MYO18B: variants seen among roughly 807,000 people sequenced by gnomAD.
The protein encoded by MYO18B is unconventional myosin-XVIIIb.
A neutral mutation model predicts 273.0 loss-of-function variants in MYO18B; 204 were observed. The observed-to-expected ratio is 0.75, with a 90% CI of 0.67 to 0.84. MYO18B has a LOEUF of 0.84. Ranked by LOEUF, MYO18B falls within the 40% of genes least tolerant of loss-of-function variation. The pLI is 0.00. For missense variants in MYO18B, 3,212 were observed against 3,287.6 expected (o/e 0.98, Z 0.56); for synonymous variants, 1,330 against 1,305.7 (o/e 1.02, Z -0.40).
chr22:25,949,034 C>G (rs1401744157), intron 36 of MYO18B, among the ~76,000 whole-genome samples: 2 of 152,012 alleles, frequency 1.3e-5, no homozygotes, highest in Non-Finnish European at 2.9e-5. Flanking sequence ...CAATCTGGCA[C>G]AAGACAAGCT....
intron 29 of MYO18B, among the ~76,000 whole-genome samples, chr22:25,902,387 C>T (rs1222711447): frequency 6.6e-6 from 1 of 152,164 alleles, no homozygotes; most frequent in African/African-American, 2.4e-5. Context: ...CTAAAAATTG[C>T]TCTGTGGTTT....
chr22:26,024,947 T>G (rs1291346888), intron 42 of MYO18B, among the ~76,000 whole-genome samples: 1 of 152,194 alleles, frequency 6.6e-6, no homozygotes, highest in Non-Finnish European at 1.5e-5. Flanking sequence ...TGTTGTCTGA[T>G]TCATAGATTG....
chr22:25,770,011 T>G, intron 4 of MYO18B, 99 bp from the exon 5 acceptor site: 2 of 1,242,056 alleles, frequency 1.6e-6, no homozygotes, highest in Non-Finnish European at 2.4e-6. Context: ...GATTCTGGTT[T>G]AGATGGCTCC....
intron 42 of MYO18B, among the ~76,000 whole-genome samples, chr22:26,021,283 A>T (rs560978537): frequency 6.6e-6 from 1 of 152,312 alleles, no homozygotes; most frequent in Admixed American, 6.5e-5. Context: ...ACCCATACTT[A>T]CAGCATTTTC....
chr22:26,050,845 G>C, the MYO18B span, among the ~76,000 whole-genome samples: 1 of 152,332 alleles, frequency 6.6e-6, no homozygotes, highest in South Asian at 2.1e-4. Flanking sequence ...GAGGGACCCT[G>C]AGAAGGTCCA....
intron 12 of MYO18B, among the ~76,000 whole-genome samples, chr22:25,815,890 T>C (rs5752225): frequency 0.45 from 68,322 of 152,104 alleles, 15,534 homozygotes; most frequent in South Asian, 0.55. Context: ...TGGGAATGGT[T>C]TGTGTGCTGT....
intron 36 of MYO18B, among the ~76,000 whole-genome samples, chr22:25,948,678 T>C (rs895513164): frequency 2.0e-5 from 3 of 151,928 alleles, no homozygotes; most frequent in South Asian, 2.1e-4. Context: ...CTAAGTATAT[T>C]GTGGTGATCA....
chr22:26,036,964 C>G, the MYO18B span, among the ~76,000 whole-genome samples: 1 of 152,200 alleles, frequency 6.6e-6, no homozygotes, highest in Non-Finnish European at 1.5e-5. Context: ...GACAGAAGCA[C>G]AGACAAGTGG....
At chr22:25,925,387 A>G (rs190604906) in intron 34 of MYO18B, among the ~76,000 whole-genome samples, 125 of 152,338 alleles carry the variant, frequency 8.2e-4, no homozygotes, top group East Asian at 5.0e-3. Flanking sequence ...TTTGCAGATG[A>G]GGAAACTGTC....
At chr22:25,918,024 G>A (rs1024832118) in intron 33 of MYO18B, among the ~76,000 whole-genome samples, 13 of 152,298 alleles carry the variant, frequency 8.5e-5, no homozygotes, top group Admixed American at 5.9e-4. Context: ...TACCCTAGGC[G>A]GATTCTAAAT....
chr22:26,003,300 G>A lies in MYO18B; in HGVS notation c.6323G>A (p.Arg2108Gln), dbSNP rs761193684. The A allele has an allele frequency of 1.8e-5, 29 of 1,606,626 alleles. No individual in the cohort carries two copies. Among genetic ancestry groups the A allele is most frequent in the South Asian group, 4.5e-5 (4 of 89,380 alleles). Residue 2108 changes from arginine (R) to glutamine (Q), a missense_variant, in exon 41 of 44, where the codon CGA becomes CAA. By Grantham distance (43) the Arg-to-Gln change is conservative. Transcript: ENST00000335473. ...QTAVDCGSSG[R>Q]KEMDNVSILS... Reference sequence around the variant, plus strand: ...GCAGTGGATTGTGGCAGCAGCGGCCGAAAAGAGATGTAAGTTAACCCCAGG... The same window carrying A: ...GCAGTGGATTGTGGCAGCAGCGGCCAAAAAGAGATGTAAGTTAACCCCAGG...
intron 42 of MYO18B, among the ~76,000 whole-genome samples, chr22:26,019,451 G>A (rs1294919890): frequency 6.6e-6 from 1 of 152,208 alleles, no homozygotes; most frequent in Non-Finnish European, 1.5e-5. Flanking sequence ...GTAAACTTGA[G>A]TAAAGTCTGC....
rs957986832 is a variant in MYO18B, at chr22:25,911,919, G to T, written c.5364+869G>T. 1.2e-4 allele frequency among the ~76,000 whole-genome samples: 19 copies of T among 152,308 alleles called. No homozygotes were observed. The East Asian group carries it at 1.4e-3, about 11-fold the overall frequency. On this transcript the variant is annotated intron_variant, in intron 33 of 43. Transcript: ENST00000335473. ...CTGCTGCTGCATGAAATCCCAACAC[G>T]GGAGAGAAATGCCTGTGGCTTCTAT...
intron 34 of MYO18B, among the ~76,000 whole-genome samples, chr22:25,922,284 G>A (rs148362975): frequency 2.0e-5 from 3 of 152,306 alleles, no homozygotes; most frequent in Non-Finnish European, 4.4e-5. Context: ...GTCTGAGGGT[G>A]GTAGGGAGGT....
chr22:26,051,376 ACCG>A, the MYO18B span, among the ~76,000 whole-genome samples: 2 of 151,642 alleles, frequency 1.3e-5, no homozygotes. Flanking sequence ...GGCGCCCACC[ACCG>A]CGCCCGGCTA....
intron 36 of MYO18B, among the ~76,000 whole-genome samples, chr22:25,948,459 C>CTTCCTTCTTTCT (rs1442898869): frequency 3.0e-5 from 2 of 67,636 alleles, no homozygotes; most frequent in African/African-American, 1.1e-4. Context: ...TCCTTCCTTC[C>CTTCCTTCTTTCT]TTCTTTCTTT....
At chr22:26,046,685 G>T in the MYO18B span, among the ~76,000 whole-genome samples, 1 of 152,162 alleles carries the variant, frequency 6.6e-6, no homozygotes, top group South Asian at 2.1e-4. Context: ...TAGCCAAAGC[G>T]ATTTTGTTAA....
intron 39 of MYO18B, among the ~76,000 whole-genome samples, chr22:25,979,088 A>G (rs2093123508): frequency 6.6e-6 from 1 of 152,244 alleles, no homozygotes; most frequent in African/African-American, 2.4e-5. Context: ...AGGGTAAGCT[A>G]TAAATTGTTC....
intron 40 of MYO18B, among the ~76,000 whole-genome samples, chr22:25,997,978 C>CACACACACGAGAGAGAGAGA (rs34431605): frequency 6.9e-6 from 1 of 144,550 alleles, no homozygotes; most frequent in African/African-American, 2.6e-5. Flanking sequence ...CACACACACA[C>CACACACACGAGAGAGAGAGA]GAGAGAGAGA....
Sources: gnomAD v4.1 joint callset for allele counts (sites outside exome capture counted in the v4.1 genomes callset) on GRCh38, gnomAD v4.1.1 for gene constraint, MANE v1.5 for transcripts, NCBI Gene and HGNC (gene_info 2026-07-23, HGNC 2026-07-21) for gene names.